Variants in FAM222B observed in about 807,000 individuals in gnomAD.
FAM222B encodes family with sequence similarity 222 member B.
FAM222B carries 12 observed loss-of-function variants against 38.0 expected under a neutral mutation model. The ratio of observed to expected loss-of-function variants is 0.32; its 90% CI spans 0.20 to 0.51. The LOEUF (loss-of-function observed/expected upper bound fraction) is 0.51, where lower values mean the gene tolerates loss of function less well. Among genes scored for constraint, FAM222B ranks in the 20% least tolerant of loss-of-function variants. The pLI, the probability that FAM222B is intolerant of heterozygous loss-of-function variation, is 0.97. For missense variants in FAM222B, 716 were observed against 754.2 expected (o/e 0.95, Z 0.59); for synonymous variants, 329 against 317.2 (o/e 1.04, Z -0.40).
chr17:28,791,933 T>C (rs1216411064), intron 1 of FAM222B, among the ~76,000 whole-genome samples: 1 of 150,942 alleles, frequency 6.6e-6, no homozygotes, highest in Non-Finnish European at 1.5e-5. Context: ...GTGCTGGGAT[T>C]AAAGGTGTGA....
intron 1 of FAM222B, among the ~76,000 whole-genome samples, chr17:28,775,057 G>A (rs2035820052): frequency 7.2e-6 from 1 of 138,452 alleles, no homozygotes; most frequent in South Asian, 2.3e-4. Context: ...CTGGAGTGCA[G>A]TGGCGCGATC....
chr17:28,810,147 C>T (rs2037685585), intron 1 of FAM222B, among the ~76,000 whole-genome samples: 1 of 152,084 alleles, frequency 6.6e-6, no homozygotes, highest in South Asian at 2.1e-4. Context: ...CAGGAGTGCA[C>T]CACCACGCCC....
Position 28,795,553 on chromosome 17 carries a change from G to A in FAM222B, c.-40-28846C>T, listed in dbSNP as rs189526638. The stretch of plus-strand genomic sequence containing the variant: ...GGTGATTCTCCCACCACAGCCTCCT[G>A]GGCATCTGGGACTACAGACATGTGC... On this transcript the variant is annotated intron_variant, in intron 1 of 2. Coordinates refer to ENST00000581407, the MANE Select transcript of FAM222B (RefSeq NM_001077498.3). Among the ~76,000 whole-genome samples, 84 of 152,228 alleles carry A rather than the reference G, an allele frequency of 5.5e-4. 2 individuals are homozygous for A. In the East Asian group the frequency reaches 0.012, roughly 22 times the overall value.
At chr17:28,790,356 G>A (rs1204419404) in intron 1 of FAM222B, 1 of 152,124 alleles carries the variant, frequency 6.6e-6, no homozygotes, top group African/African-American at 2.4e-5. Context: ...TATCAGTAAC[G>A]ATACAAATCA....
upstream of FAM222B, among the ~76,000 whole-genome samples, chr17:28,846,182 G>A (rs377502201): frequency 6.8e-5 from 9 of 131,558 alleles, no homozygotes; most frequent in Non-Finnish European, 9.4e-5. Flanking sequence ...CAGCCTGGGC[G>A]ACAGAGCAAG....
At chr17:28,762,893 G>A (rs1046327064) in intron 2 of FAM222B, among the ~76,000 whole-genome samples, 1 of 149,460 alleles carries the variant, frequency 6.7e-6, no homozygotes, top group Non-Finnish European at 1.5e-5. Context: ...AGCCAAGATC[G>A]CACCACTGCA....
upstream of FAM222B, chr17:28,842,833 G>A (rs978091998): frequency 1.3e-5 from 2 of 152,512 alleles, no homozygotes; most frequent in Admixed American, 6.5e-5. Flanking sequence ...TAGCGCCTGG[G>A]CCCTTTCGGG....
chr17:28,830,990 CTTTTT>C (rs56073818), intron 1 of FAM222B, among the ~76,000 whole-genome samples: 1 of 117,806 alleles, frequency 8.5e-6, no homozygotes, highest in East Asian at 2.4e-4. Context: ...GTGAATGTTT[CTTTTT>C]TTTTTTTTTT....
At chr17:28,841,036 T>G (rs1029674581) in intron 1 of FAM222B, among the ~76,000 whole-genome samples, 1 of 152,148 alleles carries the variant, frequency 6.6e-6, no homozygotes, top group African/African-American at 2.4e-5. Context: ...GGCTCACGCC[T>G]GTAATCCCGG....
intron 1 of FAM222B, among the ~76,000 whole-genome samples, chr17:28,811,848 C>T (rs1226633426): frequency 6.6e-6 from 1 of 152,174 alleles, no homozygotes; most frequent in Non-Finnish European, 1.5e-5. Flanking sequence ...GTGAAGACAA[C>T]CTTAATGGAC....
chr17:28,759,517 G>T lies in FAM222B; in HGVS notation c.442C>A (p.Gln148Lys). Residue 148 changes from glutamine (Q) to lysine (K), a missense_variant, in exon 3 of 3, where the codon CAG (glutamine) becomes AAG (lysine). Gln to Lys is a moderately conservative substitution (Grantham distance 53, BLOSUM62 1). Coordinates refer to ENST00000581407, the MANE Select transcript of FAM222B (RefSeq NM_001077498.3). This position sits in a 1 kb window ranked among gnomAD's most constrained non-coding sequence, Gnocchi z 4.8. ...TGCTGGCGGGCCAGAGCCTGGGCCT[G>T]GGGGTGGGCTAAAGTGCTGGGTGCC... ...TVAPSTLAHP[Q>K]AQALARQQAL... The T allele has an allele frequency of 1.3e-6, 2 of 1,585,194 alleles. No homozygotes were observed. Among genetic ancestry groups the T allele is most frequent in the East Asian group, 2.2e-5 (1 of 44,496 alleles).
At chr17:28,766,838 T>G in intron 1 of FAM222B, 131 bp from the exon 2 acceptor site, 1 of 581,156 alleles carries the variant, frequency 1.7e-6, no homozygotes, top group Non-Finnish European at 3.1e-6. Context: ...AGTGTGTTGG[T>G]TGAAAGTATA....
chr17:28,803,271 G>C (rs147532038), intron 1 of FAM222B, among the ~76,000 whole-genome samples: 1 of 152,066 alleles, frequency 6.6e-6, no homozygotes, highest in Non-Finnish European at 1.5e-5. Flanking sequence ...GCCTCCCAAA[G>C]TGTGGAGATT....
chr17:28,845,812 T>C (rs2152635679), upstream of FAM222B, among the ~76,000 whole-genome samples: 1 of 148,132 alleles, frequency 6.8e-6, no homozygotes, highest in South Asian at 2.2e-4. Flanking sequence ...GGACAATCAA[T>C]TGAACCCGGG....
intron 2 of FAM222B, among the ~76,000 whole-genome samples, chr17:28,760,771 G>GC (rs2035034315): frequency 6.6e-6 from 1 of 152,134 alleles, no homozygotes; most frequent in African/African-American, 2.4e-5. Context: ...CATCTTGGCA[G>GC]CTGGGGGGCT....
intron 1 of FAM222B, among the ~76,000 whole-genome samples, chr17:28,784,491 T>TAAAAAAAAAAAAAAAAA (rs559624246): frequency 1.7e-4 from 6 of 36,046 alleles, no homozygotes; most frequent in Non-Finnish European, 2.5e-4. Flanking sequence ...TCCCCTCTCT[T>TAAAAAAAAAAAAAAAAA]AAAAAAAAAA....
At chr17:28,824,181 A>T (rs1449788966) in intron 1 of FAM222B, among the ~76,000 whole-genome samples, 1 of 140,320 alleles carries the variant, frequency 7.1e-6, no homozygotes, top group Admixed American at 7.3e-5. Context: ...CCGGCCGAGA[A>T]TTTTTTTTTT....
chr17:28,778,719 A>ATTTTTTTTTTTTT (rs59098589), intron 1 of FAM222B, among the ~76,000 whole-genome samples: 2 of 25,494 alleles, frequency 7.8e-5, no homozygotes, highest in African/African-American at 3.0e-4. Context: ...ATATATATAT[A>ATTTTTTTTTTTTT]TTTTTTTTTT....
intron 1 of FAM222B, among the ~76,000 whole-genome samples, chr17:28,830,542 T>C (rs773545047): frequency 1.1e-4 from 16 of 152,196 alleles, no homozygotes; most frequent in South Asian, 4.1e-4. Flanking sequence ...TTTCATCTAC[T>C]TGACAGTCTT....
Sources: gnomAD v4.1 joint callset for allele counts (sites outside exome capture counted in the v4.1 genomes callset) on GRCh38, gnomAD v4.1.1 for gene constraint, Gnocchi (gnomAD v3.1) non-coding constraint, MANE v1.5 for transcripts, NCBI Gene and HGNC (gene_info 2026-07-23, HGNC 2026-07-21) for gene names.